DNAH10: variants seen among roughly 807,000 people sequenced by gnomAD.
DNAH10 encodes the protein dynein axonemal heavy chain 10.
DNAH10 carries 348 observed loss-of-function variants against 506.6 expected under a neutral mutation model. The ratio of observed to expected loss-of-function variants is 0.69; its 90% CI spans 0.63 to 0.75. DNAH10 has a LOEUF of 0.75. DNAH10 is among the 30% of genes least tolerant of loss of function. The pLI is 0.00. For synonymous variants in DNAH10, 2,059 were observed against 2,198.6 expected (o/e 0.94, Z 1.78); for missense variants, 5,179 against 5,787.1 (o/e 0.89, Z 3.41).
Position 123,864,703 on chromosome 12 carries a change from C to T in DNAH10, c.7017C>T (p.Leu2339=), listed in dbSNP as rs1235035487. Residue 2339 remains leucine (L), a synonymous_variant, in exon 40 of 79, where the codon CTC becomes CTT. Transcript: ENST00000673944. ...TGGCCAACGGGGAACGCATCCGGCT[C>T]CAAGCACACTGTGCCCTGCTCTTTG... ...LTLANGERIR[L]QAHCALLFEV... 4 of 1,613,852 alleles carry T rather than the reference C, an allele frequency of 2.5e-6. No homozygotes were observed. The highest frequency in any genetic ancestry group is 4.5e-5 in the East Asian group (2 of 44,872).
rs2136364460 is a variant in DNAH10, at chr12:123,813,862, T to A, written c.3730T>A (p.Tyr1244Asn). ...RSKSLVMELRYRDVQERYRTM... is the reference protein window; with the variant it reads ...RSKSLVMELRNRDVQERYRTM... ...TAAATCTCTAGTCATGGAACTCAGA[T>A]ATAGGGACGTCCAGGAGCGATACCG... is the stretch of plus-strand genomic sequence containing the variant. The change falls in exon 21 of 79, where the codon TAT becomes AAT. Residue 1244 changes from tyrosine (Y) to asparagine (N), a missense_variant. Around this residue, in one of 3 missense-constraint regions of DNAH10, gnomAD observed 4,844 missense variants for 5,430.5 expected, o/e 0.89. Transcript: ENST00000673944. The A allele has an allele frequency of 6.2e-7, 1 of 1,612,486 alleles. No individual in the cohort carries two copies. Among genetic ancestry groups the A allele is most frequent in the East Asian group, 2.2e-5 (1 of 44,890 alleles).
intron 51 of DNAH10, among the ~76,000 whole-genome samples, chr12:123,882,908 G>A (rs1952572395): frequency 6.6e-6 from 1 of 151,780 alleles, no homozygotes; most frequent in Admixed American, 6.6e-5. Flanking sequence ...CAAGCCCTGA[G>A]CAACTAACGG....
At chr12:123,872,591 C>T (rs968437948) in intron 45 of DNAH10, among the ~76,000 whole-genome samples, 4 of 151,944 alleles carry the variant, frequency 2.6e-5, no homozygotes, top group South Asian at 2.1e-4. Context: ...GGCAGAGGTT[C>T]GTTCTCAAAG....
intron 19 of DNAH10, among the ~76,000 whole-genome samples, chr12:123,810,413 T>A (rs1958886537): frequency 6.6e-6 from 1 of 152,182 alleles, no homozygotes; most frequent in Non-Finnish European, 1.5e-5. Flanking sequence ...CCAGGCGCGG[T>A]GGCTCACGCC....
In DNAH10 at chr12:123,801,412, G is replaced by T. The variant is rs1223917155; in HGVS notation, c.2594G>T (p.Arg865Met). 1 of 1,613,776 alleles carries T rather than the reference G, an allele frequency of 6.2e-7. No individual in the cohort carries two copies. The highest frequency in any genetic ancestry group is 8.5e-7 in the Non-Finnish European group (1 of 1,179,924). Residue 865 changes from arginine to methionine, a missense_variant, in exon 16 of 79, where the codon AGG becomes ATG. Transcript: ENST00000673944. ...LLRVFRSGYK[R>M]LNWNSLGIGD... ...CGAGTGTTTAGGTCGGGATATAAGAGGTTGAACTGGAACTCACTAGGTAAC... is the reference window on the plus strand; with the variant it reads ...CGAGTGTTTAGGTCGGGATATAAGATGTTGAACTGGAACTCACTAGGTAAC...
chr12:123,805,652 G>A (rs754175376), intron 18 of DNAH10, among the ~76,000 whole-genome samples: 6 of 152,032 alleles, frequency 3.9e-5, no homozygotes, highest in Non-Finnish European at 7.4e-5. Context: ...TTACCGTCAC[G>A]TCTATATTGT....
rs754200441 is a variant in DNAH10, at chr12:123,859,154, A to C, written c.6635A>C (p.Asp2212Ala). The change falls in exon 38 of 79, where the codon GAT becomes GCT. Residue 2212 changes from aspartate to alanine, a missense_variant. By Grantham distance (126) the Asp-to-Ala change is moderately radical. Coordinates refer to ENST00000673944, the MANE Select transcript of DNAH10 (RefSeq NM_001372106.1). ...CTGCCATTGTTTGTCCCGCAGGTGG[A>C]TAAAGTGGTTCAAATGTTCGAGACC... ...NGYAVLPIQVDKVVQMFETML... is the reference protein window; with the variant it reads ...NGYAVLPIQVAKVVQMFETML... The C allele has an allele frequency of 6.2e-7, 1 of 1,608,734 alleles. No individual in the cohort carries two copies. Among genetic ancestry groups the C allele is most frequent in the South Asian group, 1.1e-5 (1 of 89,466 alleles).
intron 11 of DNAH10, among the ~76,000 whole-genome samples, chr12:123,792,946 G>T (rs1958137319): frequency 1.3e-5 from 2 of 152,158 alleles, no homozygotes; most frequent in African/African-American, 4.8e-5. Flanking sequence ...CATATATTTT[G>T]TGAGTCTTAT....
intron 30 of DNAH10, among the ~76,000 whole-genome samples, chr12:123,841,981 C>T (rs1007452745): frequency 1.3e-5 from 2 of 152,178 alleles, no homozygotes; most frequent in African/African-American, 4.8e-5. Context: ...CCACTGAGCC[C>T]GGGCAGTCTT....
At chr12:123,818,740 C>T (rs374057319) in intron 21 of DNAH10, among the ~76,000 whole-genome samples, 29 of 152,302 alleles carry the variant, frequency 1.9e-4, no homozygotes, top group East Asian at 3.9e-4. Flanking sequence ...CCTCAGCCCC[C>T]CAAAGTACTG....
chr12:123,861,022 A>C lies in DNAH10; in HGVS notation c.6760A>C (p.Thr2254Pro). Residue 2254 changes from threonine to proline, a missense_variant, in exon 39 of 79, where the codon ACG (threonine) becomes CCG (proline). This residue lies in a region of DNAH10 where 4,844 missense variants were observed against 5,430.5 expected (regional missense o/e 0.89). Coordinates refer to ENST00000673944, the MANE Select transcript of DNAH10 (RefSeq NM_001372106.1). ...LCQAQTKLGL[T>P]TKLYILNPKA... ...CCTCTCTTGATTTAGGCTTGGGCTGACGACAAAGTTGTACATCCTGAACCC... is the reference window on the plus strand; with the variant it reads ...CCTCTCTTGATTTAGGCTTGGGCTGCCGACAAAGTTGTACATCCTGAACCC... The C allele has an allele frequency of 6.2e-7, 1 of 1,613,996 alleles. No individual in the cohort carries two copies.
intron 57 of DNAH10, among the ~76,000 whole-genome samples, chr12:123,908,097 G>GTCTCCCTGTCTCCTCCCTA (rs1953875120): frequency 2.5e-5 from 3 of 122,438 alleles, no homozygotes; most frequent in African/African-American, 1.1e-4. Flanking sequence ...TCTCCTCCCT[G>GTCTCCCTGTCTCCTCCCTA]TCTCCCTGTC....
intron 28 of DNAH10, among the ~76,000 whole-genome samples, chr12:123,836,434 A>G (rs1368654145): frequency 1.3e-4 from 20 of 152,186 alleles, no homozygotes; most frequent in Admixed American, 1.2e-3. Context: ...GTTAGAGTGA[A>G]TGTCTTAAGA....
Position 123,772,908 on chromosome 12 carries a change from C to A in DNAH10, c.471C>A (p.Asp157Glu), listed in dbSNP as rs1565885613. 1 of 1,612,960 alleles carries A rather than the reference C, an allele frequency of 6.2e-7. No homozygotes were observed. The highest frequency in any genetic ancestry group is 1.7e-5 in the Admixed American group (1 of 59,808). The part of the protein sequence containing the change: ...LCTPLPEEFL[D>E]QNVVFFLRNT... ...CCCCTCTTCCCGAGGAGTTCCTGGA[C>A]CAAAACGTGGTGTTTTTCCTCAGAA... Residue 157 changes from aspartate (D) to glutamate (E), a missense_variant, in exon 4 of 79, where the codon GAC (aspartate) becomes GAA (glutamate). This residue lies in a region of DNAH10 where 326 missense variants were observed against 330.8 expected (regional missense o/e 0.99). Transcript: ENST00000673944.
rs144160587 is a variant in DNAH10 at position 123,898,338 on chromosome 12, G to A, written c.9479-315G>A. On this transcript the variant is annotated intron_variant, in intron 55 of 78. Transcript: ENST00000673944. ...TGCTCCTCCCGCCTCAGCCTCCTGAGTAGCTGGGACCACAGGTGCAGCCAC... is the reference window on the plus strand; with the variant it reads ...TGCTCCTCCCGCCTCAGCCTCCTGAATAGCTGGGACCACAGGTGCAGCCAC... Among the ~76,000 whole-genome samples the A allele has an allele frequency of 2.0e-5, 3 of 152,340 alleles. No homozygotes were observed. The East Asian group carries it at 5.8e-4, about 29-fold the overall frequency.
At chr12:123,845,221 A>G (rs1950905003) in intron 30 of DNAH10, among the ~76,000 whole-genome samples, 4 of 151,262 alleles carry the variant, frequency 2.6e-5, no homozygotes, top group Admixed American at 1.3e-4. Flanking sequence ...CTAGTCTTGA[A>G]CTCCTGGCTT....
intron 54 of DNAH10, among the ~76,000 whole-genome samples, chr12:123,896,746 A>T (rs11057388): frequency 6.6e-6 from 1 of 150,434 alleles, no homozygotes; most frequent in African/African-American, 2.5e-5. Context: ...AAGAAGGATT[A>T]GCACGGATCA....
intron 65 of DNAH10, among the ~76,000 whole-genome samples, chr12:123,922,538 G>C (rs1162139537): frequency 1.3e-5 from 2 of 152,130 alleles, no homozygotes; most frequent in East Asian, 3.8e-4. Context: ...TATTTTCCAT[G>C]CACCAGCGTT....
chr12:123,765,933 A>G (rs78126819), intron 1 of DNAH10, among the ~76,000 whole-genome samples: 9,625 of 151,496 alleles, frequency 0.064, 840 homozygotes, highest in African/African-American at 0.2. Flanking sequence ...CTACGTGCCA[A>G]CTGACCAATC....
Sources: allele counts gnomAD v4.1 joint callset (sites outside exome capture counted in the v4.1 genomes callset), GRCh38; gene constraint gnomAD v4.1.1; regional missense constraint gnomAD v4.1.1; transcripts MANE v1.5; gene names NCBI Gene and HGNC (gene_info 2026-07-23, HGNC 2026-07-21).